CABLES1: variants seen among roughly 807,000 people sequenced by gnomAD.
CABLES1 encodes the protein CDK5 and ABL1 enzyme substrate 1.
Under a neutral mutation model 57.8 loss-of-function variants are expected in CABLES1, and 36 were observed. That is an observed-to-expected ratio of 0.62 (90% CI 0.48 to 0.82). The LOEUF is 0.82. Among genes scored for constraint, CABLES1 ranks in the 40% least tolerant of loss-of-function variants. The probability of loss-of-function intolerance (pLI) is 0.00; values close to 1 mark genes in which losing one functional copy is unlikely to be tolerated. For missense variants in CABLES1, 767 were observed against 836.6 expected (o/e 0.92, Z 1.03); for synonymous variants, 374 against 363.0 (o/e 1.03, Z -0.35).
rs201595073 is a variant in CABLES1, at chr18:23,136,057, G to C, written c.295G>C (p.Gly99Arg). 2.8e-6 allele frequency: 2 copies of C among 703,648 alleles called. No individual in the cohort carries two copies. The highest frequency in any genetic ancestry group is 1.5e-4 in the East Asian group (2 of 13,216). 43.6% of individuals were successfully genotyped at this position (703,648 alleles called of 1,614,324 possible). The change falls in exon 1 of 10, where the codon GGC becomes CGC. Residue 99 changes from glycine to arginine, a missense_variant. Transcript: ENST00000256925. ...GGGCGGCGCGGCCAAGCCGGGCGCC[G>C]GCGGCGCCTGCGGCGCGAGGACTCG... is the stretch of plus-strand genomic sequence containing the variant. The part of the protein sequence containing the change: ...EEGGAAKPGA[G>R]GACGARTRFS...
At chr18:23,200,795 C>G (rs746409462) in intron 3 of CABLES1, among the ~76,000 whole-genome samples, 4 of 152,212 alleles carry the variant, frequency 2.6e-5, no homozygotes, top group Non-Finnish European at 4.4e-5. Context: ...TCCTCACTAT[C>G]GCATGTCCCT....
At position 23,207,762 on chromosome 18, in the gene CABLES1, T is replaced by C. The variant is rs75717777; in HGVS notation, c.1011-6215T>C. On this transcript the variant is annotated intron_variant, in intron 3 of 9. Coordinates refer to ENST00000256925, the MANE Select transcript of CABLES1 (RefSeq NM_001100619.3). ...CAGAAATTTGCCACTCCCTAGGTTG[T>C]AGGATAAGGTGTGCCTCCTTAGCAG... 1.3e-4 allele frequency among the ~76,000 whole-genome samples: 20 copies of C among 152,252 alleles called. No homozygotes were observed. The East Asian group carries it at 3.3e-3, about 25-fold the overall frequency.
intron 3 of CABLES1, among the ~76,000 whole-genome samples, chr18:23,211,041 G>A (rs1048852827): frequency 6.6e-6 from 1 of 151,868 alleles, no homozygotes; most frequent in Non-Finnish European, 1.5e-5. Flanking sequence ...GCAGCATGTT[G>A]TCAGCCTCTC....
Position 23,257,626 on chromosome 18 carries a change from T to C in CABLES1, c.*259T>C. The stretch of plus-strand genomic sequence containing the variant: ...CAGAGAGGCCCTGCCCTCTGTCCAC[T>C]AGCGAGAATCCCTAGCTGCCCCAGC... On this transcript the variant is annotated 3_prime_UTR_variant, in exon 10 of 10. Transcript: ENST00000256925. 2.8e-6 allele frequency: 1 copy of C among 361,744 alleles called. No homozygotes were observed. Among genetic ancestry groups the C allele is most frequent in the Non-Finnish European group, 4.9e-6 (1 of 205,758 alleles). The allele number at this position is 361,744 out of a possible 1,614,324, so 22.4% of individuals were successfully genotyped here. A position where few individuals can be genotyped will look rare whatever the true frequency, so the allele number is the denominator to read the frequency against.
At chr18:23,191,759 G>A (rs969423942) in intron 2 of CABLES1, among the ~76,000 whole-genome samples, 1 of 151,756 alleles carries the variant, frequency 6.6e-6, no homozygotes, top group South Asian at 2.1e-4. Flanking sequence ...ATGTTTACAC[G>A]CTGTTGCAGG....
At chr18:23,206,555 G>A (rs1442448914) in intron 3 of CABLES1, among the ~76,000 whole-genome samples, 1 of 152,186 alleles carries the variant, frequency 6.6e-6, no homozygotes, top group East Asian at 1.9e-4. Flanking sequence ...CTGTGGCATC[G>A]ACTTCCTTAT....
chr18:23,152,781 G>A (rs900173095), intron 1 of CABLES1, among the ~76,000 whole-genome samples: 1 of 151,802 alleles, frequency 6.6e-6, no homozygotes, highest in African/African-American at 2.4e-5. Flanking sequence ...CACCATGCCA[G>A]GCCTTGGTCT....
chr18:23,238,236 A>G (rs1267953069), intron 7 of CABLES1, among the ~76,000 whole-genome samples: 45 of 152,214 alleles, frequency 3.0e-4, no homozygotes, highest in Admixed American at 2.9e-3. Context: ...CCCGTACTCA[A>G]AGGAAACCCA....
intron 1 of CABLES1, among the ~76,000 whole-genome samples, chr18:23,171,866 C>T (rs545017925): frequency 6.6e-6 from 1 of 152,316 alleles, no homozygotes; most frequent in South Asian, 2.1e-4. Context: ...TGAGTGTTGA[C>T]CAAAGGGTTA....
intron 1 of CABLES1, among the ~76,000 whole-genome samples, chr18:23,177,093 G>T (rs1477482547): frequency 6.6e-6 from 1 of 152,140 alleles, no homozygotes; most frequent in Non-Finnish European, 1.5e-5. Flanking sequence ...GGCACAGAGG[G>T]TCCTTGTCTT....
rs2046815258 is a variant in CABLES1, at chr18:23,135,880, GCGGCCGCCGCGCCGGCC to G, written c.120_136del (p.Pro44ArgfsTer250). On this transcript the variant is annotated frameshift_variant, in exon 1 of 10. Coordinates refer to ENST00000256925, the MANE Select transcript of CABLES1 (RefSeq NM_001100619.3). LOFTEE classifies it high-confidence loss of function. The stretch of plus-strand genomic sequence containing the variant: ...GCCGCCGCAGCCCCAGCCTCAGCCC[GCGGCCGCCGCGCCGGCC>G]CAGCCGCCGCCCGAACCCCCCCGGA... 1.9e-6 allele frequency: 2 copies of G among 1,045,064 alleles called. No homozygotes were observed. Among genetic ancestry groups the G allele is most frequent in the Non-Finnish European group, 2.3e-6 (2 of 872,826 alleles). The allele number at this position is 1,045,064 out of a possible 1,614,324, so 64.7% of individuals were successfully genotyped here.
rs542081259 is a variant in CABLES1 at position 23,168,116 on chromosome 18, T to A, written c.846-20722T>A. Among the ~76,000 whole-genome samples the A allele has an allele frequency of 2.1e-4, 32 of 152,300 alleles. No homozygotes were observed. In the South Asian group the frequency reaches 4.6e-3, roughly 22 times the overall value. Reference sequence around the variant, plus strand: ...GGCAGCTGATGGGGTGGACACTAGTTTGCCCTTTCAGAGTAGGGAAAAAGC... The same window carrying A: ...GGCAGCTGATGGGGTGGACACTAGTATGCCCTTTCAGAGTAGGGAAAAAGC... On this transcript the variant is annotated intron_variant, in intron 1 of 9. Transcript: ENST00000256925.
chr18:23,224,686 A>G (rs2047514965), intron 4 of CABLES1, among the ~76,000 whole-genome samples: 1 of 147,446 alleles, frequency 6.8e-6, no homozygotes, highest in Admixed American at 7.0e-5. Context: ...CTCCTGCCAC[A>G]GCCTCCTGAG....
chr18:23,219,045 C>T, intron 4 of CABLES1: 4 of 380,128 alleles, frequency 1.1e-5, no homozygotes, highest in South Asian at 7.6e-5. Flanking sequence ...TTCTTTATCC[C>T]CACCCCCCCG....
rs868512083 is a variant in CABLES1 at position 23,135,929 on chromosome 18, G to A, written c.167G>A (p.Arg56His). ...QPPPEPPRKP[R>H]MDPRRRQAAL... Reference sequence around the variant, plus strand: ...CCGCCCGAACCCCCCCGGAAGCCGCGCATGGACCCGCGGCGCCGCCAGGCT... The same window carrying A: ...CCGCCCGAACCCCCCCGGAAGCCGCACATGGACCCGCGGCGCCGCCAGGCT... The change falls in exon 1 of 10, where the codon CGC becomes CAC. Residue 56 changes from arginine to histidine, a missense_variant. Transcript: ENST00000256925. 2 of 1,107,168 alleles carry A rather than the reference G, an allele frequency of 1.8e-6. No individual in the cohort carries two copies. The highest frequency in any genetic ancestry group is 2.2e-6 in the Non-Finnish European group (2 of 912,588). The allele number at this position is 1,107,168 out of a possible 1,614,324, so 68.6% of individuals were successfully genotyped here. A position where few individuals can be genotyped will look rare whatever the true frequency, so the allele number is the denominator to read the frequency against.
chr18:23,249,092 C>T (rs765899843), intron 7 of CABLES1, among the ~76,000 whole-genome samples: 10 of 152,236 alleles, frequency 6.6e-5, no homozygotes, highest in Non-Finnish European at 1.0e-4. Context: ...AGCTTAGTGA[C>T]AGGACTTGAG....
rs566262993 is a variant in CABLES1, at chr18:23,135,562, G to T, written c.-201G>T. The T allele has an allele frequency of 1.1e-3, 183 of 167,924 alleles. No individual in the cohort carries two copies. Among genetic ancestry groups the T allele is most frequent in the Non-Finnish European group, 1.8e-3 (147 of 83,032 alleles). The allele number at this position is 167,924 out of a possible 1,614,324, so 10.4% of individuals were successfully genotyped here. ...CCGAGCTAGGTAGCGAGGCGTGCGC[G>T]TGGGCCGGGGCGGCGGCGCCCCCAT... On this transcript the variant is annotated 5_prime_UTR_variant, in exon 1 of 10. Coordinates refer to ENST00000256925, the MANE Select transcript of CABLES1 (RefSeq NM_001100619.3).
intron 3 of CABLES1, chr18:23,197,047 AG>A (rs1387306389): frequency 6.6e-6 from 1 of 152,288 alleles, no homozygotes; most frequent in Non-Finnish European, 1.5e-5. Flanking sequence ...ACCAGAGTGC[AG>A]CTCAAGAAAT....
chr18:23,183,223 C>T (rs1163074022), intron 1 of CABLES1, among the ~76,000 whole-genome samples: 1 of 152,224 alleles, frequency 6.6e-6, no homozygotes, highest in African/African-American at 2.4e-5. Flanking sequence ...TTTGTCACTC[C>T]AGCCACAGGT....
Sources: allele counts gnomAD v4.1 joint callset (sites outside exome capture counted in the v4.1 genomes callset), GRCh38; gene constraint gnomAD v4.1.1; transcripts MANE v1.5; gene names NCBI Gene and HGNC (gene_info 2026-07-23, HGNC 2026-07-21).